The following HNF4A variants were observed in gnomAD, a reference collection of about 807,000 sequenced individuals.
HNF4A encodes hepatocyte nuclear factor 4 alpha.
A neutral mutation model predicts 52.4 loss-of-function variants in HNF4A; 15 were observed. That is an observed-to-expected ratio of 0.29 (90% CI 0.19 to 0.44). The LOEUF (loss-of-function observed/expected upper bound fraction) is 0.44. Ranked by LOEUF, HNF4A falls within the 20% of genes least tolerant of loss-of-function variation. HNF4A has a pLI of 1.00. For missense variants in HNF4A, 479 were observed against 647.2 expected (o/e 0.74, Z 2.82); for synonymous variants, 280 against 264.4 (o/e 1.06, Z -0.57).
At chr20:44,375,828 C>T (rs1033498072) in intron 1 of HNF4A, among the ~76,000 whole-genome samples, 25 of 152,344 alleles carry the variant, frequency 1.6e-4, no homozygotes, top group Non-Finnish European at 3.1e-4. Context: ...GAAATGCCTG[C>T]AGTGTATAGG....
At chr20:44,421,324 C>T (rs1425273246) in intron 7 of HNF4A, among the ~76,000 whole-genome samples, 1 of 152,172 alleles carries the variant, frequency 6.6e-6, no homozygotes, top group African/African-American at 2.4e-5. Context: ...TTGTACAAAA[C>T]TTGCTTTTGT....
intron 1 of HNF4A, among the ~76,000 whole-genome samples, chr20:44,403,195 G>A (rs541758972): frequency 6.6e-6 from 1 of 152,190 alleles, no homozygotes; most frequent in Admixed American, 6.5e-5. Context: ...TGAGGCAGAG[G>A]CCAAGCCCCT....
chr20:44,384,159 CTTT>C (rs371586705), intron 1 of HNF4A, among the ~76,000 whole-genome samples: 1,814 of 125,476 alleles, frequency 0.014, 50 homozygotes, highest in African/African-American at 0.05. Context: ...CCCCTGGCTC[CTTT>C]TTTTTTTTTT....
At chr20:44,369,397 T>G (rs1349451266) in intron 1 of HNF4A, among the ~76,000 whole-genome samples, 2 of 150,486 alleles carry the variant, frequency 1.3e-5, no homozygotes, top group Non-Finnish European at 3.0e-5. Flanking sequence ...GCCACTGCAC[T>G]CCAGCTTGGA....
rs145682598 is a variant in HNF4A at position 44,415,157 on chromosome 20, C to T, written c.648+495C>T. On this transcript the variant is annotated intron_variant, in intron 5 of 9. Coordinates refer to ENST00000316099, the MANE Select transcript of HNF4A (RefSeq NM_000457.6). ...TCCTCTCTCTGAGCCTCAGTGTTCTCTTATCTGTAAAGTGGAAATGATAAT... is the reference window on the plus strand; with the variant it reads ...TCCTCTCTCTGAGCCTCAGTGTTCTTTTATCTGTAAAGTGGAAATGATAAT... Among the ~76,000 whole-genome samples the T allele has an allele frequency of 4.0e-4, 61 of 152,188 alleles. 1 individual carries two copies. Among genetic ancestry groups the T allele is most frequent in the African/African-American group, 1.5e-3 (61 of 41,518 alleles).
At position 44,385,104 on chromosome 20, in the gene HNF4A, G is replaced by A. The variant is rs574455019; in HGVS notation, c.50-20954G>A. Among the ~76,000 whole-genome samples, 4 of 78,868 alleles carry A rather than the reference G, an allele frequency of 5.1e-5. No homozygotes were observed. The South Asian group carries it at 1.8e-3, about 35-fold the overall frequency. The allele number at this position is 78,868 out of a possible 152,430, so 51.7% of individuals were successfully genotyped here. Reference sequence around the variant, plus strand: ...TTTTTTTTTGCCTATTCCCTGAAGGGAGATGAGGCAATTTGGGCTTTGGCT... The same window carrying A: ...TTTTTTTTTGCCTATTCCCTGAAGGAAGATGAGGCAATTTGGGCTTTGGCT... On this transcript the variant is annotated intron_variant, in intron 1 of 9. Transcript: ENST00000316673.
At chr20:44,408,008 C>CG in intron 3 of HNF4A, 2 of 211,884 alleles carry the variant, frequency 9.4e-6, no homozygotes, top group South Asian at 1.7e-4. Context: ...AACAAGACCC[C>CG]AGACCCATCC....
At chr20:44,368,094 G>GTGTGTGTGTGTGTGTGTATACATATA (rs2062989025) in intron 1 of HNF4A, among the ~76,000 whole-genome samples, 1 of 133,232 alleles carries the variant, frequency 7.5e-6, no homozygotes, top group Non-Finnish European at 1.6e-5. Context: ...ATATGTGTGT[G>GTGTGTGTGTGTGTGTGTATACATATA]TGTGTGTGTG....
At chr20:44,396,490 G>A (rs147688357), upstream of HNF4A, among the ~76,000 whole-genome samples, 47 of 152,258 alleles carry the variant, frequency 3.1e-4, no homozygotes, top group Admixed American at 8.5e-4. Context: ...CTCTCTGTGG[G>A]CTCTGAGGTC....
intron 1 of HNF4A, among the ~76,000 whole-genome samples, chr20:44,403,642 G>A (rs1374604882): frequency 6.6e-6 from 1 of 152,288 alleles, no homozygotes; most frequent in East Asian, 1.9e-4. Context: ...GCAGCCCTGG[G>A]TGGCTCCTTG....
intron 5 of HNF4A, among the ~76,000 whole-genome samples, chr20:44,417,528 C>A (rs982948191): frequency 6.6e-6 from 1 of 152,170 alleles, no homozygotes; most frequent in African/African-American, 2.4e-5. Context: ...ATCCTGGAGT[C>A]CTGCAATGTC....
rs35406830 is a variant in HNF4A at position 44,407,757 on chromosome 20, TTGTGTGTG to T, written c.385+310_385+317del. Among the ~76,000 whole-genome samples the T allele has an allele frequency of 9.5e-4, 138 of 145,948 alleles. No homozygotes were observed. In the South Asian group the frequency reaches 0.012, roughly 13 times the overall value. ...TCTGCGCCACCACAAAGCAGCCACG[TTGTGTGTG>T]TGTGTGTGTGTGTGTGTGTGTGTGT... is the stretch of plus-strand genomic sequence containing the variant. On this transcript the variant is annotated intron_variant, in intron 3 of 9. Coordinates refer to ENST00000316099, the MANE Select transcript of HNF4A (RefSeq NM_000457.6).
Position 44,429,673 on chromosome 20 carries a change from C to A in HNF4A, c.*8C>A, listed in dbSNP as rs1443162680. The A allele has an allele frequency of 6.2e-7, 1 of 1,614,112 alleles. No individual in the cohort carries two copies. Among genetic ancestry groups the A allele is most frequent in the Non-Finnish European group, 8.5e-7 (1 of 1,180,018 alleles). ...AAGCAGGAAGTTATCTAGCAAGCCG[C>A]TGGGGCTTGGGGGCTCCACTGGCTC... On this transcript the variant is annotated 3_prime_UTR_variant, in exon 10 of 10. Transcript: ENST00000316099.
chr20:44,397,066 A>T (rs1191954193), upstream of HNF4A, among the ~76,000 whole-genome samples: 1 of 152,230 alleles, frequency 6.6e-6, no homozygotes, highest in Non-Finnish European at 1.5e-5. Flanking sequence ...TGGGCTTGGA[A>T]TATAAATAGT....
At chr20:44,374,626 G>A (rs553308226) in intron 1 of HNF4A, among the ~76,000 whole-genome samples, 1 of 152,192 alleles carries the variant, frequency 6.6e-6, no homozygotes, top group Admixed American at 6.5e-5. Context: ...ACCATGCCTG[G>A]CTAATTTTTG....
rs6093979 is a variant in HNF4A, at chr20:44,419,845, C to T, written c.861C>T (p.Ala287=). The change falls in exon 7 of 10, where the codon GCC becomes GCT. Residue 287 remains alanine, a synonymous_variant. Transcript: ENST00000316099. ...TGCAGATCGATGACAATGAGTATGC[C>T]TACCTCAAAGCCATCATCTTCTTTG... The T allele has an allele frequency of 6.2e-7, 1 of 1,614,134 alleles. No homozygotes were observed.
intron 1 of HNF4A, among the ~76,000 whole-genome samples, chr20:44,356,737 A>G (rs1045372776): frequency 6.6e-6 from 1 of 152,220 alleles, no homozygotes; most frequent in Non-Finnish European, 1.5e-5. Context: ...AATTGGTGAC[A>G]GGTTTGTTTC....
upstream of HNF4A, among the ~76,000 whole-genome samples, chr20:44,401,066 G>A (rs2063400748): frequency 6.6e-6 from 1 of 152,030 alleles, no homozygotes; most frequent in Non-Finnish European, 1.5e-5. Flanking sequence ...GGTGAGTTAG[G>A]GCCCCAGCAG....
At chr20:44,394,676 G>A (rs779398584) in intron 1 of HNF4A, among the ~76,000 whole-genome samples, 6 of 152,196 alleles carry the variant, frequency 3.9e-5, no homozygotes, top group Admixed American at 1.3e-4. Context: ...CAAGCAGACT[G>A]TTGACTCTTG....
Sources: gnomAD v4.1 joint callset for allele counts (sites outside exome capture counted in the v4.1 genomes callset) on GRCh38, gnomAD v4.1.1 for gene constraint, MANE v1.5 for transcripts, NCBI Gene and HGNC (gene_info 2026-07-23, HGNC 2026-07-21) for gene names.